TAOK1: variants seen among roughly 807,000 people sequenced by gnomAD.
TAOK1 encodes the protein serine/threonine-protein kinase TAO1.
TAOK1 carries 21 observed loss-of-function variants against 138.3 expected under a neutral mutation model. The ratio of observed to expected loss-of-function variants is 0.15; its 90% confidence interval spans 0.11 to 0.22. The LOEUF is 0.22. Ranked by LOEUF, TAOK1 falls within the 10% of genes least tolerant of loss-of-function variation. TAOK1 has a pLI of 1.00. For synonymous variants in TAOK1, 361 were observed against 398.4 expected, an observed-to-expected ratio of 0.91 and a Z score of 1.12; for missense variants, 651 against 1,227.7, an observed-to-expected ratio of 0.53 and a Z score of 7.02.
At chr17:29,502,935 C>T (rs1267288949) in intron 13 of TAOK1, among the ~76,000 whole-genome samples, 1 of 152,032 alleles carries the variant, frequency 6.6e-6, no homozygotes, top group South Asian at 2.1e-4. Context: ...ACACAAAAAA[C>T]GAGTATGTTA....
chr17:29,445,079 A>T (rs2030043084), intron 1 of TAOK1, among the ~76,000 whole-genome samples: 1 of 152,190 alleles, frequency 6.6e-6, no homozygotes, highest in Non-Finnish European at 1.5e-5. Context: ...ATTAGGAGTG[A>T]TTAGAGTGGA....
chr17:29,391,553 C>G (rs1461013864), intron 1 of TAOK1, among the ~76,000 whole-genome samples: 1 of 152,216 alleles, frequency 6.6e-6, no homozygotes, highest in African/African-American at 2.4e-5. Context: ...AAGTCCAAGG[C>G]AGTTTCTTCA....
At chr17:29,419,811 T>C (rs1905373232) in intron 1 of TAOK1, among the ~76,000 whole-genome samples, 1 of 152,054 alleles carries the variant, frequency 6.6e-6, no homozygotes, top group Non-Finnish European at 1.5e-5. Flanking sequence ...TTAATTTTAT[T>C]GAAAATGTTA....
chr17:29,508,602 CATT>C (rs1241423111), intron 14 of TAOK1, among the ~76,000 whole-genome samples: 1 of 152,088 alleles, frequency 6.6e-6, no homozygotes, highest in Non-Finnish European at 1.5e-5. Flanking sequence ...AATCTCCTAT[CATT>C]AGGTGATTTA....
Position 29,467,129 on chromosome 17 carries a change from T to C in TAOK1, c.133-16T>C, listed in dbSNP as rs2030687312. ...TGTTAATTTTTACAGTGCTTCTTTC[T>C]TTCTTTCTTCTTTAGGCACGAGATG... On this transcript the variant is annotated splice_polypyrimidine_tract_variant and intron_variant, in intron 2 of 19. Transcript: ENST00000261716. 2 of 1,572,706 alleles carry C rather than the reference T, an allele frequency of 1.3e-6. No homozygotes were observed. The highest frequency in any genetic ancestry group is 2.2e-5 in the East Asian group (1 of 44,498).
intron 1 of TAOK1, among the ~76,000 whole-genome samples, chr17:29,395,619 A>G (rs1009460703): frequency 5.4e-5 from 8 of 149,280 alleles, no homozygotes; most frequent in African/African-American, 2.0e-4. Context: ...GTACCAACAT[A>G]TGCTCACCTG....
Position 29,550,642 on chromosome 17 carries a change from TAA to T in TAOK1, c.*7621_*7622del, listed in dbSNP as rs1210645029. 1 of 152,238 alleles carries T rather than the reference TAA, an allele frequency of 6.6e-6. No homozygotes were observed. The highest frequency in any genetic ancestry group is 1.5e-5 in the Non-Finnish European group (1 of 68,030). The allele number at this position is 152,238 out of a possible 1,614,324, so 9.4% of individuals were successfully genotyped here. A position where few individuals can be genotyped will look rare whatever the true frequency, so the allele number is the denominator to read the frequency against. On this transcript the variant is annotated 3_prime_UTR_variant, in exon 20 of 20. Coordinates refer to ENST00000261716, the MANE Select transcript of TAOK1 (RefSeq NM_020791.4). The stretch of plus-strand genomic sequence containing the variant: ...CGTAACTATTAACACAGTTTTAACA[TAA>T]GTTATCCCACTGGGTTTAAGAGCAT...
intron 3 of TAOK1, among the ~76,000 whole-genome samples, chr17:29,468,842 C>T (rs1055441276): frequency 1.3e-5 from 2 of 152,312 alleles, no homozygotes; most frequent in African/African-American, 4.8e-5. Flanking sequence ...AGCCACCGCA[C>T]CTAGCCTGTG....
intron 2 of TAOK1, among the ~76,000 whole-genome samples, chr17:29,461,014 C>A (rs2030517968): frequency 6.6e-6 from 1 of 152,128 alleles, no homozygotes; most frequent in South Asian, 2.1e-4. Context: ...TGCTAAGATT[C>A]TTCTACCCAA....
At chr17:29,394,149 A>AGT (rs1904513713) in intron 1 of TAOK1, among the ~76,000 whole-genome samples, 3 of 56,390 alleles carry the variant, frequency 5.3e-5, no homozygotes, top group Non-Finnish European at 1.2e-4. Flanking sequence ...ATAATTTGCC[A>AGT]GTTTTTTTTT....
intron 18 of TAOK1, among the ~76,000 whole-genome samples, chr17:29,532,922 C>G (rs1442881707): frequency 2.1e-5 from 3 of 146,248 alleles, no homozygotes; most frequent in Non-Finnish European, 3.0e-5. Context: ...GACGGGGCGG[C>G]TGGCCGGGTG....
intron 1 of TAOK1, among the ~76,000 whole-genome samples, chr17:29,441,059 C>T (rs2029928351): frequency 6.6e-6 from 1 of 152,058 alleles, no homozygotes; most frequent in South Asian, 2.1e-4. Context: ...ATGTATAATC[C>T]TTTTAACATG....
chr17:29,491,387 G>A (rs2031292823), intron 9 of TAOK1, among the ~76,000 whole-genome samples: 1 of 151,848 alleles, frequency 6.6e-6, no homozygotes, highest in Non-Finnish European at 1.5e-5. Flanking sequence ...ATGCTATATA[G>A]AAGAAGATCC....
chr17:29,402,882 CA>C (rs1458039857), intron 1 of TAOK1, among the ~76,000 whole-genome samples: 1 of 149,552 alleles, frequency 6.7e-6, no homozygotes, highest in Admixed American at 6.7e-5. Context: ...ACTAAAAATA[CA>C]AAAAAATTAG....
chr17:29,521,924 G>C (rs973847946), intron 16 of TAOK1, among the ~76,000 whole-genome samples: 1 of 152,202 alleles, frequency 6.6e-6, no homozygotes, highest in Non-Finnish European at 1.5e-5. Context: ...AGTAGACTGC[G>C]TGTAAAATAA....
At chr17:29,490,269 T>G (rs1429856265) in intron 9 of TAOK1, among the ~76,000 whole-genome samples, 1 of 152,072 alleles carries the variant, frequency 6.6e-6, no homozygotes. Context: ...CTGATATTCC[T>G]TCTAGGACTT....
chr17:29,520,746 C>T (rs982424621), intron 16 of TAOK1, among the ~76,000 whole-genome samples: 2 of 148,974 alleles, frequency 1.3e-5, no homozygotes, highest in African/African-American at 4.9e-5. Flanking sequence ...CTGAGCAGGC[C>T]GGGTAGTAGT....
intron 1 of TAOK1, among the ~76,000 whole-genome samples, chr17:29,444,085 A>T (rs1228085426): frequency 6.6e-6 from 1 of 151,344 alleles, no homozygotes; most frequent in East Asian, 2.0e-4. Flanking sequence ...CCTGCACTCC[A>T]GCCTGGCTGA....
At chr17:29,397,661 TATG>T (rs1904672630) in intron 1 of TAOK1, among the ~76,000 whole-genome samples, 1 of 114,110 alleles carries the variant, frequency 8.8e-6, no homozygotes, top group Admixed American at 8.5e-5. Flanking sequence ...TATATTCATG[TATG>T]ATACATGTAT....
Sources: allele counts gnomAD v4.1 joint callset (sites outside exome capture counted in the v4.1 genomes callset), GRCh38; gene constraint gnomAD v4.1.1; transcripts MANE v1.5; gene names NCBI Gene and HGNC (gene_info 2026-07-23, HGNC 2026-07-21).